Variants in FGF13 observed in about 807,000 individuals in gnomAD.
FGF13 encodes fibroblast growth factor homologous factor 2.
FGF13 carries 2 observed loss-of-function variants against 19.5 expected under a neutral mutation model. That is an observed-to-expected ratio of 0.10 (90% confidence interval 0.04 to 0.32). The LOEUF is 0.32. Ranked by LOEUF, FGF13 falls within the 10% of genes least tolerant of loss-of-function variation. FGF13 has a pLI of 1.00. For missense variants in FGF13, 113 were observed against 192.7 expected, an observed-to-expected ratio of 0.59 and a Z score of 2.45; for synonymous variants, 72 against 76.9, an observed-to-expected ratio of 0.94 and a Z score of 0.33.
intron 1 of FGF13, among the ~76,000 whole-genome samples, chrX:138,972,209 T>C (rs2091920414): frequency 9.2e-6 from 1 of 108,852 alleles, no homozygotes; most frequent in African/African-American, 3.3e-5. Context: ...TCAATTCCTT[T>C]GGATATATAC....
At chrX:138,966,412 T>TGGATGTGA (rs1273522400) in intron 1 of FGF13, among the ~76,000 whole-genome samples, 5 of 112,087 alleles carry the variant, frequency 4.5e-5, no homozygotes, top group Admixed American at 2.8e-4. Flanking sequence ...CAGCATAACC[T>TGGATGTGA]GGATGTGAGA....
At chrX:138,948,262 T>C (rs994329421) in intron 1 of FGF13, among the ~76,000 whole-genome samples, 1 of 111,632 alleles carries the variant, frequency 9.0e-6, no homozygotes, top group African/African-American at 3.3e-5. Flanking sequence ...TCTGATGATA[T>C]GCCTGGAAAA....
At chrX:138,773,086 T>C (rs2090561246) in intron 3 of FGF13, among the ~76,000 whole-genome samples, 1 of 109,642 alleles carries the variant, frequency 9.1e-6, no homozygotes, top group South Asian at 3.9e-4. Flanking sequence ...AATGCCCTCA[T>C]TGAGAAATGA....
At chrX:139,014,665 C>T (rs1020512102) in intron 1 of FGF13, among the ~76,000 whole-genome samples, 3 of 110,728 alleles carry the variant, frequency 2.7e-5, no homozygotes, top group African/African-American at 9.8e-5. Context: ...CCTATCCTAC[C>T]CAAACTATTC....
chrX:138,953,313 C>A (rs2091823758), intron 1 of FGF13, among the ~76,000 whole-genome samples: 1 of 110,623 alleles, frequency 9.0e-6, no homozygotes, highest in South Asian at 3.9e-4. Context: ...TCATTCTGAG[C>A]AAACTATCGC....
At chrX:138,801,373 T>A (rs1026191777) in intron 3 of FGF13, among the ~76,000 whole-genome samples, 1 of 112,052 alleles carries the variant, frequency 8.9e-6, no homozygotes, top group African/African-American at 3.2e-5. Context: ...TTCGGGGAAG[T>A]CCATGCCAGG....
chrX:139,117,727 A>G (rs7876509), intron 1 of FGF13, among the ~76,000 whole-genome samples: 32,267 of 109,920 alleles, frequency 0.29, 4,295 homozygotes, highest in African/African-American at 0.5. Context: ...CATCCACCTC[A>G]CCACCCCACT....
chrX:138,744,337 A>G (rs1237768444), upstream of FGF13, among the ~76,000 whole-genome samples: 7 of 111,735 alleles, frequency 6.3e-5, no homozygotes, highest in Non-Finnish European at 1.3e-4. Context: ...GGCATAGGTA[A>G]AGACTATTAT....
chrX:139,086,490 G>A (rs2083404199), intron 1 of FGF13, among the ~76,000 whole-genome samples: 1 of 111,700 alleles, frequency 9.0e-6, no homozygotes, highest in African/African-American at 3.3e-5. Flanking sequence ...CCACTGAATT[G>A]CACATTTAGA....
chrX:138,627,626 T>TGTGTGCGC lies in FGF13; in HGVS notation c.*5223_*5224insGCGCACAC, dbSNP rs1556025493. 8.5e-5 allele frequency: 7 copies of TGTGTGCGC among 81,889 alleles called. No homozygotes were observed. The highest frequency in any genetic ancestry group is 3.5e-4 in the African/African-American group (7 of 20,224). The allele number at this position is 81,889 out of a possible 1,213,427, so 6.7% of individuals were successfully genotyped here. On this transcript the variant is annotated 3_prime_UTR_variant, in exon 5 of 5. Transcript: ENST00000315930. ...GTGTGTGTGTGTGTGTGTGTGTGTG[T>TGTGTGCGC]GCGCGTGTGTGTGTGTGTGTGTGTG...
chrX:138,873,843 G>A (rs930356835), intron 1 of FGF13, among the ~76,000 whole-genome samples: 4 of 110,219 alleles, frequency 3.6e-5, no homozygotes, highest in African/African-American at 1.3e-4. Context: ...ATGAATTCAC[G>A]TCCTTTGTAG....
intron 3 of FGF13, among the ~76,000 whole-genome samples, chrX:138,640,730 C>T (rs1281185566): frequency 1.8e-5 from 2 of 111,885 alleles, no homozygotes; most frequent in Non-Finnish European, 3.8e-5. Context: ...AGATACACAC[C>T]AAGACTAAAT....
At chrX:138,815,874 G>C (rs957591992) in intron 3 of FGF13, among the ~76,000 whole-genome samples, 1 of 111,160 alleles carries the variant, frequency 9.0e-6, no homozygotes, top group Admixed American at 9.6e-5. Context: ...GAAAACATGG[G>C]TGAATTCTTC....
At chrX:138,949,458 C>T (rs908941492) in intron 1 of FGF13, among the ~76,000 whole-genome samples, 1 of 111,140 alleles carries the variant, frequency 9.0e-6, no homozygotes, top group Non-Finnish European at 1.9e-5. Context: ...CCTGTGTGCC[C>T]GTGTCTCTGT....
intron 3 of FGF13, among the ~76,000 whole-genome samples, chrX:138,751,599 T>C (rs1488280753): frequency 1.8e-5 from 2 of 111,759 alleles, no homozygotes; most frequent in Non-Finnish European, 3.8e-5. Context: ...TTAAAGAGGG[T>C]AAATACCTCC....
At chrX:139,095,165 A>C (rs1198524518) in intron 1 of FGF13, among the ~76,000 whole-genome samples, 1 of 112,081 alleles carries the variant, frequency 8.9e-6, no homozygotes, top group African/African-American at 3.2e-5. Context: ...CTCAGCCTTC[A>C]GGAAGATCCT....
intron 1 of FGF13, among the ~76,000 whole-genome samples, chrX:138,919,418 G>A (rs1487275939): frequency 8.9e-6 from 1 of 111,812 alleles, no homozygotes; most frequent in African/African-American, 3.2e-5. Context: ...TAGTTTGGCA[G>A]TGCCTTTCAA....
chrX:139,005,150 G>A (rs992340944), intron 1 of FGF13, among the ~76,000 whole-genome samples: 8 of 100,468 alleles, frequency 8.0e-5, no homozygotes, highest in Non-Finnish European at 1.6e-4. Flanking sequence ...GTCTAACTCA[G>A]GAGAAGCCCA....
intron 3 of FGF13, among the ~76,000 whole-genome samples, chrX:138,770,545 G>T (rs886829358): frequency 5.4e-5 from 6 of 110,870 alleles, no homozygotes; most frequent in Non-Finnish European, 1.1e-4. Context: ...ATGCTACTAG[G>T]CTGAGATAGC....
Sources: allele counts gnomAD v4.1 joint callset (sites outside exome capture counted in the v4.1 genomes callset), GRCh38; gene constraint gnomAD v4.1.1; transcripts MANE v1.5; gene names NCBI Gene and HGNC (gene_info 2026-07-23, HGNC 2026-07-21).